The following PALD1 variants were observed in gnomAD, a reference collection of about 807,000 sequenced individuals.
PALD1 encodes paladin.
Under a neutral mutation model 96.0 loss-of-function variants are expected in PALD1, and 57 were observed. That is an observed-to-expected ratio of 0.59 (90% CI 0.48 to 0.74). PALD1 has a LOEUF of 0.74. Among genes scored for constraint, PALD1 ranks in the 30% least tolerant of loss-of-function variants. The pLI is 0.00. For missense variants in PALD1, 1,063 were observed against 1,143.7 expected (o/e 0.93, Z 1.02); for synonymous variants, 464 against 473.6 (o/e 0.98, Z 0.26).
rs1035324088 is a variant in PALD1 at position 70,544,685 on chromosome 10, G to A, written c.2122-2621G>A. ...ACAGCTGCAGCAGAGGCCAGGAGTT[G>A]GGTTCCCTGTGAAGAGCTGCAGCCC... On this transcript the variant is annotated intron_variant, in intron 17 of 19. Coordinates refer to ENST00000263563, the MANE Select transcript of PALD1 (RefSeq NM_014431.3). Among the ~76,000 whole-genome samples, 5 of 152,146 alleles carry A rather than the reference G, an allele frequency of 3.3e-5. No homozygotes were observed. In the South Asian group the frequency reaches 6.2e-4, roughly 19 times the overall value.
At position 70,532,690 on chromosome 10, in the gene PALD1, G is replaced by T. The variant is rs1314882571; in HGVS notation, c.703G>T (p.Glu235Ter). Residue 235 changes from glutamate to a stop codon, truncating the protein, a stop_gained, in exon 6 of 20, where the codon GAG (glutamate) becomes TAG (stop). Coordinates refer to ENST00000263563, the MANE Select transcript of PALD1 (RefSeq NM_014431.3). LOFTEE classifies it high-confidence loss of function. Reference sequence around the variant, plus strand: ...CCATAACACCGAGGACCTGTGGGGGGAGCCCCATGCTGTGGCCATCCATGG... The same window carrying T: ...CCATAACACCGAGGACCTGTGGGGGTAGCCCCATGCTGTGGCCATCCATGG... ...VYHNTEDLWG[E>*]PHAVAIHGED... The T allele has an allele frequency of 1.2e-6, 2 of 1,614,064 alleles. No homozygotes were observed. The highest frequency in any genetic ancestry group is 2.7e-5 in the African/African-American group (2 of 74,904).
chr10:70,520,146 G>A (rs1477472009), intron 1 of PALD1, among the ~76,000 whole-genome samples: 2 of 152,118 alleles, frequency 1.3e-5, no homozygotes, highest in Admixed American at 6.5e-5. Context: ...AAAAAGGGAC[G>A]GGGTGGGCGT....
In PALD1 at chr10:70,533,918, C is replaced by T. The variant is rs1847050711; in HGVS notation, c.871-4C>T. On this transcript the variant is annotated splice_polypyrimidine_tract_variant and splice_region_variant and intron_variant, in intron 7 of 19. Transcript: ENST00000263563. ...TGGGGCCTGATCCTCATGGTCTTTC[C>T]CAGGAGACCCCCAGCCTGCTGCAGC... 1.9e-6 allele frequency: 3 copies of T among 1,582,206 alleles called. No individual in the cohort carries two copies. The highest frequency in any genetic ancestry group is 2.3e-5 in the South Asian group (2 of 86,626).
intron 1 of PALD1, among the ~76,000 whole-genome samples, chr10:70,500,807 C>T (rs558017556): frequency 4.6e-5 from 7 of 152,266 alleles, no homozygotes; most frequent in South Asian, 2.1e-4. Flanking sequence ...TGGCTGGAGC[C>T]GGTGCAATAT....
At position 70,557,838 on chromosome 10, in the gene PALD1, GTC is replaced by G. The variant is rs1564711777; in HGVS notation, c.2263-6524_2263-6523del. 3.3e-5 allele frequency among the ~76,000 whole-genome samples: 5 copies of G among 150,992 alleles called. No homozygotes were observed. In the East Asian group the frequency reaches 9.8e-4, roughly 29 times the overall value. On this transcript the variant is annotated intron_variant, in intron 18 of 19. Coordinates refer to ENST00000263563, the MANE Select transcript of PALD1 (RefSeq NM_014431.3). Reference sequence around the variant, plus strand: ...TGGGTGAGCGAGGGGATACTAAGGAGTCTTCAGTAATGGCAGGGGGTGGCAGG... The same window carrying G: ...TGGGTGAGCGAGGGGATACTAAGGAGTTCAGTAATGGCAGGGGGTGGCAGG...
the PALD1 span, among the ~76,000 whole-genome samples, chr10:70,470,142 T>C: frequency 6.6e-6 from 1 of 152,214 alleles, no homozygotes; most frequent in Admixed American, 6.5e-5. Flanking sequence ...CGTATTCTGA[T>C]GGCAGAAGGG....
the PALD1 span, among the ~76,000 whole-genome samples, chr10:70,460,560 G>C: frequency 6.6e-6 from 1 of 151,974 alleles, no homozygotes; most frequent in Non-Finnish European, 1.5e-5. Context: ...TTCCAAAATG[G>C]CTCTCTAGAA....
chr10:70,517,406 A>G (rs1161561358), intron 1 of PALD1, among the ~76,000 whole-genome samples: 2 of 150,374 alleles, frequency 1.3e-5, no homozygotes, highest in African/African-American at 2.5e-5. Flanking sequence ...CAGTGGTGCA[A>G]TCTCAGCTCA....
the PALD1 span, among the ~76,000 whole-genome samples, chr10:70,465,470 G>A: frequency 6.6e-6 from 1 of 152,246 alleles, no homozygotes; most frequent in East Asian, 1.9e-4. Context: ...GAGGAGGAGA[G>A]AATGAGTATT....
At chr10:70,547,901 T>C (rs2132415409) in intron 18 of PALD1, among the ~76,000 whole-genome samples, 1 of 152,258 alleles carries the variant, frequency 6.6e-6, no homozygotes, top group East Asian at 1.9e-4. Context: ...GCACGGAGGC[T>C]GTCATCTCAG....
intron 1 of PALD1, among the ~76,000 whole-genome samples, chr10:70,515,027 T>C (rs548819118): frequency 2.0e-5 from 3 of 152,316 alleles, no homozygotes; most frequent in Admixed American, 2.0e-4. Context: ...ATAAGTACCA[T>C]TGCTGTTGAA....
intron 1 of PALD1, among the ~76,000 whole-genome samples, chr10:70,498,184 G>C (rs747521728): frequency 1.3e-5 from 2 of 152,130 alleles, no homozygotes; most frequent in Non-Finnish European, 2.9e-5. Flanking sequence ...TTCTTCTTTT[G>C]TGTCTGGCTT....
intron 18 of PALD1, among the ~76,000 whole-genome samples, chr10:70,549,539 C>T (rs923758035): frequency 3.3e-5 from 5 of 152,270 alleles, no homozygotes; most frequent in Admixed American, 2.0e-4. Context: ...AGGGCTCCCC[C>T]AGAGCTGGCC....
intron 17 of PALD1, among the ~76,000 whole-genome samples, chr10:70,546,161 T>G (rs1847358152): frequency 6.6e-6 from 1 of 151,602 alleles, no homozygotes; most frequent in South Asian, 2.1e-4. Context: ...TTCTTGAACC[T>G]AAGAGGCAGA....
chr10:70,488,586 G>T lies in PALD1; in HGVS notation c.-30+9527G>T, dbSNP rs1767031717. Among the ~76,000 whole-genome samples the T allele has an allele frequency of 2.6e-5, 4 of 152,078 alleles. No individual in the cohort carries two copies. In the South Asian group the frequency reaches 8.3e-4, roughly 32 times the overall value. On this transcript the variant is annotated intron_variant, in intron 1 of 19. Coordinates refer to ENST00000263563, the MANE Select transcript of PALD1 (RefSeq NM_014431.3). ...CTGTACCTCTACATGAATTTGTGTG[G>T]TTTTTTATTTTTGGGGTGTAAATGA...
intron 1 of PALD1, among the ~76,000 whole-genome samples, chr10:70,514,652 G>A (rs934088990): frequency 1.1e-4 from 16 of 152,168 alleles, no homozygotes; most frequent in African/African-American, 3.9e-4. Context: ...CACCTCTTCT[G>A]TAAACTGGGG....
rs560297748 is a variant in PALD1 at position 70,506,523 on chromosome 10, G to A, written c.-29-19400G>A. On this transcript the variant is annotated intron_variant, in intron 1 of 19. Coordinates refer to ENST00000263563, the MANE Select transcript of PALD1 (RefSeq NM_014431.3). ...GGCACGCTCTTGGAGTCCAGTACATGTTACCTGCTGCCATTATTATCCTTT... is the reference window on the plus strand; with the variant it reads ...GGCACGCTCTTGGAGTCCAGTACATATTACCTGCTGCCATTATTATCCTTT... Among the ~76,000 whole-genome samples, 136 of 152,312 alleles carry A rather than the reference G, an allele frequency of 8.9e-4. 2 individuals are homozygous for A. The highest frequency in any genetic ancestry group is 6.8e-3 in the Middle Eastern group (2 of 294).
intron 1 of PALD1, among the ~76,000 whole-genome samples, chr10:70,505,056 G>C (rs77018390): frequency 6.6e-6 from 1 of 152,204 alleles, no homozygotes; most frequent in Admixed American, 6.5e-5. Context: ...GTGTTACACA[G>C]ATCTTCCAAA....
chr10:70,463,176 G>A, the PALD1 span, among the ~76,000 whole-genome samples: 3 of 152,146 alleles, frequency 2.0e-5, no homozygotes, highest in Non-Finnish European at 2.9e-5. Flanking sequence ...AGGCCAAGGC[G>A]GGCAGATCAC....
Sources: allele counts gnomAD v4.1 joint callset (sites outside exome capture counted in the v4.1 genomes callset), GRCh38; gene constraint gnomAD v4.1.1; transcripts MANE v1.5; gene names NCBI Gene and HGNC (gene_info 2026-07-23, HGNC 2026-07-21).